The following BSN variants were observed in gnomAD, a reference collection of about 807,000 sequenced individuals.
BSN encodes the protein protein bassoon.
A neutral mutation model predicts 264.8 loss-of-function variants in BSN; 57 were observed. That is an observed-to-expected ratio of 0.22 (90% confidence interval 0.17 to 0.27). BSN has a LOEUF of 0.27. Among genes scored for constraint, BSN ranks in the 10% least tolerant of loss-of-function variants. BSN has a pLI of 1.00. For synonymous variants in BSN, 2,059 were observed against 2,137.3 expected, an observed-to-expected ratio of 0.96 and a Z score of 1.01; for missense variants, 4,615 against 5,232.5, an observed-to-expected ratio of 0.88 and a Z score of 3.64.
chr3:49,620,597 G>T lies in BSN; in HGVS notation c.225-4378G>T, dbSNP rs112643868. Among the ~76,000 whole-genome samples, 191 of 152,318 alleles carry T rather than the reference G, an allele frequency of 1.3e-3. 1 individual carries two copies. The highest frequency in any genetic ancestry group is 2.3e-3 in the South Asian group (11 of 4,828). Reference sequence around the variant, plus strand: ...GGGGCAAAATCTCATGGGGCCTTATGGGCCATTGTAAGACTTTTGGCTTTT... The same window carrying T: ...GGGGCAAAATCTCATGGGGCCTTATTGGCCATTGTAAGACTTTTGGCTTTT... On this transcript the variant is annotated intron_variant, in intron 1 of 11. Transcript: ENST00000296452.
At chr3:49,634,000 A>T (rs1234043271) in intron 2 of BSN, among the ~76,000 whole-genome samples, 1 of 151,990 alleles carries the variant, frequency 6.6e-6, no homozygotes, top group Non-Finnish European at 1.5e-5. Context: ...AGGTCAGGAG[A>T]TCGAGACCAT....
chr3:49,623,841 T>G (rs2052321717), intron 1 of BSN, among the ~76,000 whole-genome samples: 1 of 152,216 alleles, frequency 6.6e-6, no homozygotes, highest in African/African-American at 2.4e-5. Flanking sequence ...TATAGCAGAT[T>G]GGCCAGTATG....
intron 2 of BSN, among the ~76,000 whole-genome samples, chr3:49,633,523 TC>T (rs1161546127): frequency 6.6e-6 from 1 of 152,076 alleles, no homozygotes; most frequent in Non-Finnish European, 1.5e-5. Context: ...GTATGGCAGT[TC>T]CTCAAAAAAT....
rs1173182745 is a variant in BSN, at chr3:49,554,518, G to C, written c.-85G>C. ...CGAGCTGGGAGATGGCGGCGGCAGC[G>C]GCGGCGCCGAGAGTGTGAGCACCGC... On this transcript the variant is annotated 5_prime_UTR_variant, in exon 1 of 12. Transcript: ENST00000296452. The C allele has an allele frequency of 5.0e-6, 2 of 399,410 alleles. No individual in the cohort carries two copies. Among genetic ancestry groups the C allele is most frequent in the Non-Finnish European group, 6.8e-6 (2 of 295,018 alleles). 24.7% of individuals were successfully genotyped at this position (399,410 alleles called of 1,614,324 possible).
At chr3:49,631,559 A>G (rs74634748) in intron 2 of BSN, among the ~76,000 whole-genome samples, 3 of 141,560 alleles carry the variant, frequency 2.1e-5, no homozygotes, top group Non-Finnish European at 3.0e-5. Flanking sequence ...CTCTGTCTCA[A>G]AAAAAAAAAA....
chr3:49,671,958 CA>C (rs1310814314), downstream of BSN, among the ~76,000 whole-genome samples: 5 of 151,396 alleles, frequency 3.3e-5, no homozygotes, highest in Non-Finnish European at 5.9e-5. This position sits in a 1 kb window ranked among gnomAD's most constrained non-coding sequence, Gnocchi z 4.1. Context: ...CACCGGCTGC[CA>C]GACCTTAGGC....
At chr3:49,608,830 GA>G (rs952792335) in intron 1 of BSN, among the ~76,000 whole-genome samples, 25 of 149,118 alleles carry the variant, frequency 1.7e-4, no homozygotes, top group Non-Finnish European at 2.4e-4. Context: ...TCCGTCTCGG[GA>G]AAAAAAAAAA....
chr3:49,651,675 C>G lies in BSN; in HGVS notation c.2119C>G (p.Gln707Glu). 1 of 1,614,138 alleles carries G rather than the reference C, an allele frequency of 6.2e-7. No individual in the cohort carries two copies. The highest frequency in any genetic ancestry group is 8.5e-7 in the Non-Finnish European group (1 of 1,180,032). ...ITGVVQQEVE[Q>E]LDSAGVTGPH... ...AGGAGTCGTGCAGCAGGAGGTGGAA[C>G]AGCTGGACAGTGCAGGGGTGACAGG... The change falls in exon 5 of 12, where the codon CAG becomes GAG. Residue 707 changes from glutamine (Q) to glutamate (E), a missense_variant. By Grantham distance (29) the Gln-to-Glu change is conservative (BLOSUM62 2). This residue lies in a region of BSN where 1,197 missense variants were observed against 1,348.0 expected (regional missense o/e 0.89). Coordinates refer to ENST00000296452, the MANE Select transcript of BSN (RefSeq NM_003458.4). The surrounding 1 kb of genome is among the most constrained non-coding windows in gnomAD (Gnocchi z 5.4).
chr3:49,670,764 G>C lies in BSN; in HGVS notation c.*3279G>C, dbSNP rs2052748662. ...CAGGGCCCAGTGCACTCACTTCACA[G>C]TGACAGCCCTCCCCTACAATCCTTG... On this transcript the variant is annotated 3_prime_UTR_variant, in exon 12 of 12. Transcript: ENST00000296452. 1 of 152,296 alleles carries C rather than the reference G, an allele frequency of 6.6e-6. No homozygotes were observed. The highest frequency in any genetic ancestry group is 2.4e-5 in the African/African-American group (1 of 41,460). The allele number at this position is 152,296 out of a possible 1,614,324, so 9.4% of individuals were successfully genotyped here.
chr3:49,653,913 C>T lies in BSN; in HGVS notation c.4357C>T (p.Pro1453Ser), dbSNP rs766820673. ...AAAGRAAREKPLSASDGEGGT... is the reference protein window; with the variant it reads ...AAAGRAAREKSLSASDGEGGT... ...AGCTGGACGAGCTGCTAGAGAGAAG[C>T]CCTTGAGTGCGAGTGACGGTGAGGG... The change falls in exon 5 of 12, where the codon CCC becomes TCC. Residue 1453 changes from proline (P) to serine (S), a missense_variant. Pro to Ser is a moderately conservative substitution (Grantham distance 74). Coordinates refer to ENST00000296452, the MANE Select transcript of BSN (RefSeq NM_003458.4). This position sits in a 1 kb window ranked among gnomAD's most constrained non-coding sequence, Gnocchi z 6.3. 1 of 1,614,170 alleles carries T rather than the reference C, an allele frequency of 6.2e-7. No individual in the cohort carries two copies. The highest frequency in any genetic ancestry group is 1.1e-5 in the South Asian group (1 of 91,086).
intron 11 of BSN, among the ~76,000 whole-genome samples, chr3:49,666,701 G>A (rs549973919): frequency 1.3e-5 from 2 of 152,098 alleles, no homozygotes; most frequent in East Asian, 3.9e-4. Flanking sequence ...CGGATGCTGG[G>A]ATGGGACCAG....
rs781773963 is a variant in BSN, at chr3:49,664,466, C to T, written c.11652C>T (p.Pro3884=). The change falls in exon 9 of 12, where the codon CCC becomes CCT. Residue 3884 remains proline (P), a synonymous_variant. Coordinates refer to ENST00000296452, the MANE Select transcript of BSN (RefSeq NM_003458.4). ...GARPGGTPGA[P]AGQPGADGES... ...GGCCTGGAGGAACCCCAGGGGCTCC[C>T]GCCGGCCAGCCAGGTGCCGATGGGG... The T allele has an allele frequency of 6.2e-6, 10 of 1,613,640 alleles. No individual in the cohort carries two copies. The highest frequency in any genetic ancestry group is 3.3e-5 in the Admixed American group (2 of 59,986).
At chr3:49,574,627 T>TCTC (rs1424250722) in intron 1 of BSN, among the ~76,000 whole-genome samples, 11 of 121,340 alleles carry the variant, frequency 9.1e-5, no homozygotes, top group African/African-American at 2.4e-4. Context: ...AGAGGTGGGG[T>TCTC]TTCTTTTTTT....
chr3:49,657,495 G>A lies in BSN; in HGVS notation c.7939G>A (p.Ala2647Thr). 2 of 1,613,204 alleles carry A rather than the reference G, an allele frequency of 1.2e-6. No individual in the cohort carries two copies. Among genetic ancestry groups the A allele is most frequent in the South Asian group, 1.1e-5 (1 of 91,088 alleles). ...SDSGSDSKHDATASSSSAAAT... is the reference protein window; with the variant it reads ...SDSGSDSKHDTTASSSSAAAT... ...CTCAGGCTCTGACAGCAAGCACGAT[G>A]CCACTGCCTCATCATCCAGTGCTGC... Residue 2647 changes from alanine (A) to threonine (T), a missense_variant, in exon 5 of 12, where the codon GCC (alanine) becomes ACC (threonine). By Grantham distance (58) the Ala-to-Thr change is moderately conservative. Coordinates refer to ENST00000296452, the MANE Select transcript of BSN (RefSeq NM_003458.4).
At chr3:49,579,391 T>C (rs2051875709) in intron 1 of BSN, among the ~76,000 whole-genome samples, 1 of 151,896 alleles carries the variant, frequency 6.6e-6, no homozygotes, top group South Asian at 2.1e-4. Flanking sequence ...GGGTTTTTCA[T>C]AGATGCGCTT....
Position 49,663,884 on chromosome 3 carries a change from C to T in BSN, c.11606C>T (p.Ala3869Val), listed in dbSNP as rs1414386910. 1 of 1,613,642 alleles carries T rather than the reference C, an allele frequency of 6.2e-7. No individual in the cohort carries two copies. Among genetic ancestry groups the T allele is most frequent in the African/African-American group, 1.3e-5 (1 of 74,936 alleles). Residue 3869 changes from alanine to valine, a missense_variant and splice_region_variant, in exon 8 of 12, where the codon GCA (alanine) becomes GTA (valine). By Grantham distance (64) the Ala-to-Val change is moderately conservative (BLOSUM62 0). This residue lies in a region of BSN where 3,415 missense variants were observed against 3,866.4 expected (regional missense o/e 0.88). Transcript: ENST00000296452. ...QAQPAPGPGP[A>V]GVKAGARPGG... is the part of the protein sequence containing the mutation. ...CAGCCAGCACCAGGACCTGGACCTG[C>T]AGGTGAGCCTATCCTTTGACACCCT...
Position 49,654,486 on chromosome 3 carries a change from C to T in BSN, c.4930C>T (p.Arg1644Trp), listed in dbSNP as rs747049829. The T allele has an allele frequency of 8.1e-6, 13 of 1,610,420 alleles. No individual in the cohort carries two copies. Among genetic ancestry groups the T allele is most frequent in the Non-Finnish European group, 1.0e-5 (12 of 1,178,384 alleles). ...CCCTGCTGAGAACATCTCCCTGTGC[C>T]GGATCTCCTCTGTCCCTGGGACGTC... ...ALPAENISLC[R>W]ISSVPGTSRV... Residue 1644 changes from arginine (R) to tryptophan (W), a missense_variant, in exon 5 of 12, where the codon CGG becomes TGG. Coordinates refer to ENST00000296452, the MANE Select transcript of BSN (RefSeq NM_003458.4). The surrounding 1 kb of genome is among the most constrained non-coding windows in gnomAD (Gnocchi z 4.1).
At chr3:49,592,238 T>A (rs1362787819) in intron 1 of BSN, among the ~76,000 whole-genome samples, 2 of 151,306 alleles carry the variant, frequency 1.3e-5, no homozygotes, top group Admixed American at 1.3e-4. Flanking sequence ...GCCTCCCGAG[T>A]ACCTGGGATT....
chr3:49,640,430 A>G (rs889056916), intron 2 of BSN: 1 of 152,236 alleles, frequency 6.6e-6, no homozygotes, highest in Non-Finnish European at 1.5e-5. Flanking sequence ...TTGGGAAAGA[A>G]TAAGCACTAT....
Sources: allele counts gnomAD v4.1 joint callset (sites outside exome capture counted in the v4.1 genomes callset), GRCh38; gene constraint gnomAD v4.1.1; regional missense constraint gnomAD v4.1.1; non-coding constraint Gnocchi (gnomAD v3.1); transcripts MANE v1.5; gene names NCBI Gene and HGNC (gene_info 2026-07-23, HGNC 2026-07-21).